HS3ST4: variants seen among roughly 807,000 people sequenced by gnomAD.
The protein encoded by HS3ST4 is heparan sulfate glucosamine 3-O-sulfotransferase 4.
In HS3ST4, 17 loss-of-function variants were observed where a neutral mutation model predicts 29.2. The ratio of observed to expected loss-of-function variants is 0.58; its 90% CI spans 0.40 to 0.87. The LOEUF is 0.87. Among genes scored for constraint, HS3ST4 ranks in the 40% least tolerant of loss-of-function variants. The pLI is 0.00. For missense variants in HS3ST4, 627 were observed against 634.5 expected (o/e 0.99, Z 0.13); for synonymous variants, 314 against 285.7 (o/e 1.10, Z -1.00).
In HS3ST4 at chr16:25,803,965, C is replaced by T. The variant is rs183843412; in HGVS notation, c.734+110814C>T. On this transcript the variant is annotated intron_variant, in intron 1 of 1. Transcript: ENST00000331351. ...CCCTCCCCCTCTCCTTCCCTCTCCT[C>T]CTCACCTCCAGAGTCCAGTAGCCTC... is the stretch of plus-strand genomic sequence containing the variant. Among the ~76,000 whole-genome samples the T allele has an allele frequency of 5.5e-3, 832 of 152,146 alleles. 8 individuals are homozygous for T. Among genetic ancestry groups the T allele is most frequent in the Middle Eastern group, 0.01 (3 of 294 alleles).
intron 1 of HS3ST4, among the ~76,000 whole-genome samples, chr16:26,089,725 C>T (rs760969424): frequency 1.4e-4 from 22 of 152,176 alleles, no homozygotes; most frequent in Admixed American, 5.2e-4. Context: ...TGCTTCTGTT[C>T]GCTTTCATTT....
chr16:25,821,295 G>C (rs907769647), intron 1 of HS3ST4, among the ~76,000 whole-genome samples: 6 of 152,030 alleles, frequency 3.9e-5, no homozygotes, highest in Non-Finnish European at 8.8e-5. Flanking sequence ...CTGACCTCGT[G>C]ATCCACCTGC....
At chr16:25,944,618 G>T (rs1968607585) in intron 1 of HS3ST4, among the ~76,000 whole-genome samples, 1 of 152,236 alleles carries the variant, frequency 6.6e-6, no homozygotes, top group African/African-American at 2.4e-5. Flanking sequence ...CATAAGAGGA[G>T]ATTCTTAACT....
chr16:26,116,244 G>C (rs115071033), intron 1 of HS3ST4, among the ~76,000 whole-genome samples: 3,005 of 152,222 alleles, frequency 0.02, 107 homozygotes, highest in African/African-American at 0.067. Flanking sequence ...CTCTCTATAG[G>C]GTGACTTTCT....
chr16:26,104,041 G>T (rs1899020548), intron 1 of HS3ST4, among the ~76,000 whole-genome samples: 1 of 152,136 alleles, frequency 6.6e-6, no homozygotes, highest in Non-Finnish European at 1.5e-5. Flanking sequence ...CACTGGGAAT[G>T]CATTTGACTG....
At chr16:25,830,300 T>C (rs1471454524) in intron 1 of HS3ST4, among the ~76,000 whole-genome samples, 4 of 152,230 alleles carry the variant, frequency 2.6e-5, no homozygotes, top group African/African-American at 7.2e-5. Context: ...TTTACATTGC[T>C]TTTCTTTTCT....
intron 1 of HS3ST4, among the ~76,000 whole-genome samples, chr16:26,102,467 T>C (rs1459251385): frequency 6.6e-6 from 1 of 152,116 alleles, no homozygotes; most frequent in Admixed American, 6.5e-5. Context: ...TTTCTTTCTT[T>C]CTCCCTTCGT....
chr16:25,868,616 CA>C (rs1355941589), intron 1 of HS3ST4, among the ~76,000 whole-genome samples: 2 of 152,192 alleles, frequency 1.3e-5, no homozygotes, highest in African/African-American at 4.8e-5. Flanking sequence ...ACCATGCAAG[CA>C]AACAGAAGAG....
chr16:25,729,816 A>C (rs1047489814), intron 1 of HS3ST4, among the ~76,000 whole-genome samples: 3 of 152,258 alleles, frequency 2.0e-5, no homozygotes, highest in Admixed American at 1.3e-4. Context: ...TTTTCAATGA[A>C]TTGAGAAGGA....
At chr16:26,001,455 C>T (rs1567291105) in intron 1 of HS3ST4, among the ~76,000 whole-genome samples, 1 of 151,550 alleles carries the variant, frequency 6.6e-6, no homozygotes, top group Non-Finnish European at 1.5e-5. Context: ...TTCTTGCAAC[C>T]TTTCTGTAAG....
intron 1 of HS3ST4, among the ~76,000 whole-genome samples, chr16:26,077,069 G>A (rs1346083632): frequency 3.3e-5 from 5 of 152,108 alleles, no homozygotes; most frequent in African/African-American, 1.2e-4. Context: ...ACTCACCTGG[G>A]TTCATTCATG....
chr16:25,725,861 C>G (rs1022725327), intron 1 of HS3ST4, among the ~76,000 whole-genome samples: 11 of 151,840 alleles, frequency 7.2e-5, no homozygotes, highest in Non-Finnish European at 7.4e-5. Flanking sequence ...ACTATGTTTT[C>G]CACTTACACA....
intron 1 of HS3ST4, among the ~76,000 whole-genome samples, chr16:25,729,941 A>G (rs753259950): frequency 1.8e-4 from 27 of 152,186 alleles, no homozygotes; most frequent in Non-Finnish European, 3.1e-4. Flanking sequence ...ACAGGCAGCA[A>G]TCTGTTTGAT....
At chr16:25,766,292 A>C (rs1044953705) in intron 1 of HS3ST4, among the ~76,000 whole-genome samples, 2 of 152,146 alleles carry the variant, frequency 1.3e-5, no homozygotes, top group Admixed American at 6.5e-5. Context: ...CATGGAATAA[A>C]GTTAGCCTCC....
At chr16:25,763,564 G>A (rs1300819719) in intron 1 of HS3ST4, among the ~76,000 whole-genome samples, 1 of 152,182 alleles carries the variant, frequency 6.6e-6, no homozygotes, top group African/African-American at 2.4e-5. Context: ...AATAGACACT[G>A]TCTAAGTTAA....
At position 26,033,036 on chromosome 16, in the gene HS3ST4, T is replaced by G. The variant is rs375765165; in HGVS notation, c.735-102576T>G. On this transcript the variant is annotated intron_variant, in intron 1 of 1. Coordinates refer to ENST00000331351, the MANE Select transcript of HS3ST4 (RefSeq NM_006040.3). Reference sequence around the variant, plus strand: ...CATCCATGGGAGGGTATATACGAGGTGGGACCCATTCATTAAGACCTGAAC... The same window carrying G: ...CATCCATGGGAGGGTATATACGAGGGGGGACCCATTCATTAAGACCTGAAC... 8.7e-4 allele frequency among the ~76,000 whole-genome samples: 132 copies of G among 152,112 alleles called. 1 individual carries two copies. The highest frequency in any genetic ancestry group is 3.1e-3 in the African/African-American group (128 of 41,472).
At chr16:25,895,629 G>A (rs563940803) in intron 1 of HS3ST4, among the ~76,000 whole-genome samples, 1 of 152,226 alleles carries the variant, frequency 6.6e-6, no homozygotes, top group South Asian at 2.1e-4. Flanking sequence ...TCTGGAGGCA[G>A]GAAGTCCTAG....
At chr16:25,696,979 T>C (rs1966302590) in intron 1 of HS3ST4, among the ~76,000 whole-genome samples, 1 of 152,168 alleles carries the variant, frequency 6.6e-6, no homozygotes, top group Non-Finnish European at 1.5e-5. Context: ...TAACTCAGGG[T>C]CACTTGGCTG....
intron 1 of HS3ST4, among the ~76,000 whole-genome samples, chr16:25,766,915 G>A (rs11074715): frequency 0.57 from 87,131 of 151,932 alleles, 25,669 homozygotes; most frequent in Non-Finnish European, 0.65. Flanking sequence ...CCAGATACAC[G>A]CACCTAGTCT....
Sources: gnomAD v4.1 joint callset for allele counts (sites outside exome capture counted in the v4.1 genomes callset) on GRCh38, gnomAD v4.1.1 for gene constraint, MANE v1.5 for transcripts, NCBI Gene and HGNC (gene_info 2026-07-23, HGNC 2026-07-21) for gene names.